KLHL18: variants seen among roughly 807,000 people sequenced by gnomAD.
KLHL18 encodes the protein kelch-like protein 18.
A neutral mutation model predicts 58.5 loss-of-function variants in KLHL18; 38 were observed. The ratio of observed to expected loss-of-function variants is 0.65; its 90% CI spans 0.50 to 0.85. KLHL18 has a LOEUF of 0.85. Among genes scored for constraint, KLHL18 ranks in the 40% least tolerant of loss-of-function variants. KLHL18 has a pLI of 0.00. For synonymous variants in KLHL18, 303 were observed against 301.9 expected (o/e 1.00, Z -0.04); for missense variants, 624 against 778.4 (o/e 0.80, Z 2.36).
rs374033441 is a variant in KLHL18, at chr3:47,302,441, C to T, written c.130-17212C>T. Among the ~76,000 whole-genome samples the T allele has an allele frequency of 2.5e-4, 38 of 152,234 alleles. 1 individual carries two copies. The East Asian group carries it at 4.8e-3, about 19-fold the overall frequency. ...CGGAGGTTGCAGTGAGCCAAGATCG[C>T]GCCACTGCACTCCAGCATGGCAACA... On this transcript the variant is annotated intron_variant, in intron 1 of 9. Transcript: ENST00000232766.
chr3:47,333,132 G>T, intron 4 of KLHL18, 25 bp from the exon 5 acceptor site: 1 of 1,604,570 alleles, frequency 6.2e-7, no homozygotes, highest in Non-Finnish European at 8.5e-7. Flanking sequence ...AGGATTTGCT[G>T]CCAGAACATC....
chr3:47,288,594 A>G (rs1702726698), intron 1 of KLHL18, among the ~76,000 whole-genome samples: 1 of 152,168 alleles, frequency 6.6e-6, no homozygotes, highest in Admixed American at 6.5e-5. Context: ...AACTGCCAAC[A>G]CTTGAACCTA....
chr3:47,282,944 G>C lies in KLHL18; in HGVS notation c.-22G>C, dbSNP rs1702491559. 1 of 1,601,872 alleles carries C rather than the reference G, an allele frequency of 6.2e-7. No individual in the cohort carries two copies. The highest frequency in any genetic ancestry group is 1.1e-5 in the South Asian group (1 of 89,238). On this transcript the variant is annotated 5_prime_UTR_variant, in exon 1 of 10. Coordinates refer to ENST00000232766, the MANE Select transcript of KLHL18 (RefSeq NM_025010.5). ...TGTCTAGCCGGCCGGCGAGGCCTGCGCAGTTGCAGCGGCCGGGGAAGATGG... is the reference window on the plus strand; with the variant it reads ...TGTCTAGCCGGCCGGCGAGGCCTGCCCAGTTGCAGCGGCCGGGGAAGATGG...
At chr3:47,295,014 C>T (rs535803685) in intron 1 of KLHL18, among the ~76,000 whole-genome samples, 1 of 152,208 alleles carries the variant, frequency 6.6e-6, no homozygotes, top group South Asian at 2.1e-4. Context: ...GGTTGTAAAA[C>T]GTGCCTCTAC....
chr3:47,283,687 T>C (rs1702552744), intron 1 of KLHL18, among the ~76,000 whole-genome samples: 1 of 151,654 alleles, frequency 6.6e-6, no homozygotes, highest in Non-Finnish European at 1.5e-5. Flanking sequence ...CTGGGCCTGC[T>C]GGCCGCGTGG....
In KLHL18 at chr3:47,346,276, T is replaced by C. The variant is rs1470392265; in HGVS notation, c.*2335T>C. The C allele has an allele frequency of 6.6e-6, 1 of 152,586 alleles. No individual in the cohort carries two copies. Among genetic ancestry groups the C allele is most frequent in the Non-Finnish European group, 1.5e-5 (1 of 68,030 alleles). The allele number at this position is 152,586 out of a possible 1,614,324, so 9.5% of individuals were successfully genotyped here. Reference sequence around the variant, plus strand: ...CCAATCCCACCTCCTGGTGTAGAATTTACACTGCTGCACCTGAGGTCGATG... The same window carrying C: ...CCAATCCCACCTCCTGGTGTAGAATCTACACTGCTGCACCTGAGGTCGATG... On this transcript the variant is annotated 3_prime_UTR_variant, in exon 10 of 10. Transcript: ENST00000232766.
chr3:47,291,150 T>C (rs1702783602), intron 1 of KLHL18, among the ~76,000 whole-genome samples: 1 of 152,214 alleles, frequency 6.6e-6, no homozygotes, highest in Non-Finnish European at 1.5e-5. Context: ...TGAGACTCCA[T>C]TGTTTGCCCC....
chr3:47,324,570 A>C (rs1314924140), intron 3 of KLHL18, among the ~76,000 whole-genome samples: 2 of 151,952 alleles, frequency 1.3e-5, no homozygotes, highest in Non-Finnish European at 2.9e-5. Flanking sequence ...GAGGTGGTTC[A>C]TGCTGTAATC....
At chr3:47,293,764 G>A (rs1187314336) in intron 1 of KLHL18, among the ~76,000 whole-genome samples, 1 of 152,142 alleles carries the variant, frequency 6.6e-6, no homozygotes, top group East Asian at 1.9e-4. Context: ...CATTTGTCCT[G>A]TGGGTCCTCA....
chr3:47,313,847 T>C (rs1703362372), intron 1 of KLHL18, among the ~76,000 whole-genome samples: 1 of 152,120 alleles, frequency 6.6e-6, no homozygotes, highest in Non-Finnish European at 1.5e-5. Flanking sequence ...CTACCTGACA[T>C]TGGGTGAGCT....
At chr3:47,300,576 A>G (rs1703001674) in intron 1 of KLHL18, among the ~76,000 whole-genome samples, 2 of 147,130 alleles carry the variant, frequency 1.4e-5, no homozygotes. Flanking sequence ...AGCATTTTAT[A>G]TGATCACTGT....
chr3:47,333,913 A>T (rs1451864377), intron 5 of KLHL18, among the ~76,000 whole-genome samples: 2 of 152,258 alleles, frequency 1.3e-5, no homozygotes, highest in African/African-American at 4.8e-5. Context: ...AGAACAGCAG[A>T]GAAAAATGTT....
intron 1 of KLHL18, among the ~76,000 whole-genome samples, chr3:47,289,445 C>T (rs142436969): frequency 6.6e-6 from 1 of 152,342 alleles, no homozygotes; most frequent in East Asian, 1.9e-4. Context: ...TCAAGAGCTA[C>T]ACATTTGAAT....
At chr3:47,312,751 C>T (rs807932) in intron 1 of KLHL18, among the ~76,000 whole-genome samples, 74,777 of 151,878 alleles carry the variant, frequency 0.49, 20,048 homozygotes, top group Non-Finnish European at 0.6. Flanking sequence ...CATTATGTTG[C>T]CCACGCTGGC....
In KLHL18 at chr3:47,342,789, T is replaced by C. The variant is rs1437136959; in HGVS notation, c.1297T>C (p.Tyr433His). Reference protein sequence around the residue: ...AGVTVFEGRIYVSGGHDGLQI... With the variant: ...AGVTVFEGRIHVSGGHDGLQI... The stretch of plus-strand genomic sequence containing the variant: ...GGTTACAGTCTTTGAGGGCAGGATA[T>C]ATGTGTCAGGCGGCCATGATGGTTT... The change falls in exon 9 of 10, where the codon TAT becomes CAT. Residue 433 changes from tyrosine (Y) to histidine (H), a missense_variant. Coordinates refer to ENST00000232766, the MANE Select transcript of KLHL18 (RefSeq NM_025010.5). 1 of 1,614,190 alleles carries C rather than the reference T, an allele frequency of 6.2e-7. No individual in the cohort carries two copies.
intron 1 of KLHL18, among the ~76,000 whole-genome samples, chr3:47,303,896 AT>A (rs55807798): frequency 2.7e-5 from 4 of 149,412 alleles, no homozygotes; most frequent in South Asian, 2.1e-4. Flanking sequence ...CTAATTTTTA[AT>A]TTTTTTTTTT....
chr3:47,333,218 C>T lies in KLHL18; in HGVS notation c.662C>T (p.Pro221Leu), dbSNP rs1426085340. 28 of 1,613,996 alleles carry T rather than the reference C, an allele frequency of 1.7e-5. No homozygotes were observed. The highest frequency in any genetic ancestry group is 2.4e-5 in the Non-Finnish European group (28 of 1,180,038). The change falls in exon 5 of 10, where the codon CCT becomes CTT. Residue 221 changes from proline to leucine, a missense_variant. Pro to Leu is a moderately conservative substitution (Grantham distance 98). Coordinates refer to ENST00000232766, the MANE Select transcript of KLHL18 (RefSeq NM_025010.5). ...YDREQRGPYL[P>L]ELLSNIRLPL... Reference sequence around the variant, plus strand: ...CGGGAGCAGAGGGGTCCCTACCTGCCTGAGCTGCTGTCCAATATCCGCCTG... The same window carrying T: ...CGGGAGCAGAGGGGTCCCTACCTGCTTGAGCTGCTGTCCAATATCCGCCTG...
chr3:47,312,680 A>G (rs1703329508), intron 1 of KLHL18, among the ~76,000 whole-genome samples: 1 of 152,096 alleles, frequency 6.6e-6, no homozygotes, highest in Admixed American at 6.6e-5. Context: ...ATTGGTAAGA[A>G]AATAATATTT....
rs548800537 is a variant in KLHL18 at position 47,315,327 on chromosome 3, C to A, written c.130-4326C>A. ...GAAAGGCAATTAGATGCCTGCACCC[C>A]CTCCCCCACTCTCTCAGGAGATAGG... On this transcript the variant is annotated intron_variant, in intron 1 of 9. Coordinates refer to ENST00000232766, the MANE Select transcript of KLHL18 (RefSeq NM_025010.5). Among the ~76,000 whole-genome samples, 3 of 152,250 alleles carry A rather than the reference C, an allele frequency of 2.0e-5. No individual in the cohort carries two copies. The East Asian group carries it at 5.8e-4, about 29-fold the overall frequency.
Sources: gnomAD v4.1 joint callset for allele counts (sites outside exome capture counted in the v4.1 genomes callset) on GRCh38, gnomAD v4.1.1 for gene constraint, MANE v1.5 for transcripts, NCBI Gene and HGNC (gene_info 2026-07-23, HGNC 2026-07-21) for gene names.